The following ALPL variants were observed in gnomAD, a reference collection of about 807,000 sequenced individuals.
ALPL encodes the protein alkaline phosphatase, biomineralization associated.
Under a neutral mutation model 51.3 loss-of-function variants are expected in ALPL, and 42 were observed. That is an observed-to-expected ratio of 0.82 (90% CI 0.64 to 1.06). The LOEUF is 1.06. Ranked by LOEUF, ALPL falls within the 50% of genes least tolerant of loss-of-function variation. ALPL has a pLI of 0.00. For synonymous variants in ALPL, 279 were observed against 296.4 expected (o/e 0.94, Z 0.60); for missense variants, 589 against 709.4 (o/e 0.83, Z 1.93).
rs550405598 is a variant in ALPL at position 21,549,036 on chromosome 1, C to T, written c.-104-4942C>T. ...ACTAATTCATTTCCCTAGTTGTGGA[C>T]GAGACTGCCCCGGCTCCTCACCATC... On this transcript the variant is annotated intron_variant, in intron 1 of 11. Coordinates refer to ENST00000374840, the MANE Select transcript of ALPL (RefSeq NM_000478.6). Among the ~76,000 whole-genome samples, 5 of 152,288 alleles carry T rather than the reference C, an allele frequency of 3.3e-5. No homozygotes were observed. The South Asian group carries it at 1.0e-3, about 32-fold the overall frequency.
At chr1:21,534,045 C>T (rs542391539) in intron 1 of ALPL, among the ~76,000 whole-genome samples, 11 of 145,352 alleles carry the variant, frequency 7.6e-5, no homozygotes, top group South Asian at 2.1e-4. Flanking sequence ...AGTGCAGTGG[C>T]GCAATCTCGG....
intron 1 of ALPL, among the ~76,000 whole-genome samples, chr1:21,512,321 C>T (rs1643705648): frequency 6.6e-6 from 1 of 152,178 alleles, no homozygotes; most frequent in Non-Finnish European, 1.5e-5. Context: ...AGTCACCTTC[C>T]CTTTCGAAGC....
rs116162120 is a variant in ALPL at position 21,577,852 on chromosome 1, T to C, written c.*204T>C. ...CCAAACCCACTTCTGGCCTCCAGCC[T>C]TTGCTCCCTCCCCGCTGCCCTTTGG... On this transcript the variant is annotated 3_prime_UTR_variant, in exon 12 of 12. Transcript: ENST00000374840. The C allele has an allele frequency of 2.5e-3, 1,685 of 683,738 alleles. 17 individuals are homozygous for C. In the African/African-American group the frequency reaches 0.026, roughly 10 times the overall value. The allele number at this position is 683,738 out of a possible 1,614,324, so 42.4% of individuals were successfully genotyped here.
intron 1 of ALPL, among the ~76,000 whole-genome samples, chr1:21,535,082 C>T (rs1477068305): frequency 1.3e-5 from 2 of 152,212 alleles, no homozygotes; most frequent in East Asian, 3.9e-4. Context: ...CATATTGTGG[C>T]TGCTCAATAA....
chr1:21,573,558 G>C (rs1263625063), intron 8 of ALPL, 107 bp from the exon 9 acceptor site: 1 of 1,426,198 alleles, frequency 7.0e-7, no homozygotes, highest in Non-Finnish European at 9.7e-7. Flanking sequence ...TCTACCCCAA[G>C]CTGGCTGTGG....
chr1:21,510,408 G>A (rs1041473105), intron 1 of ALPL, among the ~76,000 whole-genome samples: 5 of 152,214 alleles, frequency 3.3e-5, no homozygotes, highest in African/African-American at 9.6e-5. Context: ...TCTTGGGCCA[G>A]GAAGGGCTTT....
chr1:21,509,298 C>CCGGGGG (rs986248866), upstream of ALPL: 2 of 134,324 alleles, frequency 1.5e-5, no homozygotes, highest in Admixed American at 7.4e-5. This position sits in a 1 kb window ranked among gnomAD's most constrained non-coding sequence, Gnocchi z 6.0. Context: ...GGGGCTCGGG[C>CCGGGGG]CGGGGGCGGG....
intron 1 of ALPL, among the ~76,000 whole-genome samples, chr1:21,513,122 C>T (rs753428068): frequency 1.3e-5 from 2 of 151,788 alleles, no homozygotes; most frequent in Non-Finnish European, 2.9e-5. Flanking sequence ...GAGTACTGGC[C>T]AGAGAGGAGA....
At chr1:21,565,261 T>G (rs1172530445) in intron 6 of ALPL, among the ~76,000 whole-genome samples, 1 of 152,194 alleles carries the variant, frequency 6.6e-6, no homozygotes, top group East Asian at 1.9e-4. Flanking sequence ...GTACCCGCTT[T>G]CAGGACACAC....
At chr1:21,536,255 A>G (rs907939620) in intron 1 of ALPL, among the ~76,000 whole-genome samples, 2 of 152,254 alleles carry the variant, frequency 1.3e-5, no homozygotes, top group African/African-American at 4.8e-5. Context: ...TTGGACTCTT[A>G]CATTACCACA....
chr1:21,543,474 C>T (rs1337128724), intron 1 of ALPL, among the ~76,000 whole-genome samples: 1 of 152,144 alleles, frequency 6.6e-6, no homozygotes, highest in Non-Finnish European at 1.5e-5. Flanking sequence ...GTAATCCCAG[C>T]TACTCGGGAG....
chr1:21,529,010 A>C (rs558178163), intron 1 of ALPL, among the ~76,000 whole-genome samples: 2 of 151,232 alleles, frequency 1.3e-5, no homozygotes, highest in African/African-American at 2.4e-5. Flanking sequence ...TGGAGGTTGC[A>C]GTGAGCCAAG....
rs561361279 is a variant in ALPL, at chr1:21,552,030, C to T, written c.-104-1948C>T. On this transcript the variant is annotated intron_variant, in intron 1 of 11. Transcript: ENST00000374840. ...GTGAGCCACCGCGCCCGGCCATTTG[C>T]GTGTTTTTAAGGTTGAATCAAGATC... Among the ~76,000 whole-genome samples the T allele has an allele frequency of 5.0e-3, 743 of 148,374 alleles. 8 individuals carry two copies. The highest frequency in any genetic ancestry group is 0.018 in the African/African-American group (713 of 40,522).
chr1:21,554,274 A>G, intron 2 of ALPL, 132 bp downstream of exon 2: 1 of 890,010 alleles, frequency 1.1e-6, no homozygotes, highest in Admixed American at 1.9e-5. Context: ...CAGAGCAGGA[A>G]ACCTCAGCCC....
chr1:21,561,264 C>T (rs575405379), intron 4 of ALPL, 52 bp downstream of exon 4: 58 of 1,482,852 alleles, frequency 3.9e-5, no homozygotes, highest in Middle Eastern at 3.4e-4. Flanking sequence ...GTATCCAGGT[C>T]GAGCATCTGA....
intron 1 of ALPL, among the ~76,000 whole-genome samples, chr1:21,530,777 AT>A (rs71016918): frequency 0.31 from 35,008 of 111,414 alleles, 4,404 homozygotes; most frequent in South Asian, 0.49. Flanking sequence ...CAAGCTTTGA[AT>A]TTTTTTTTTT....
chr1:21,516,435 C>G (rs1277539618), intron 1 of ALPL, among the ~76,000 whole-genome samples: 1 of 152,170 alleles, frequency 6.6e-6, no homozygotes, highest in Non-Finnish European at 1.5e-5. Flanking sequence ...ACTATAAGCC[C>G]AACATGCACG....
intron 1 of ALPL, among the ~76,000 whole-genome samples, chr1:21,551,927 G>A (rs1213165409): frequency 1.1e-4 from 17 of 150,764 alleles, no homozygotes; most frequent in Admixed American, 4.0e-4. Flanking sequence ...GGGTTTCACT[G>A]TGTTAGCCAG....
At chr1:21,533,597 A>G (rs1416994357) in intron 1 of ALPL, among the ~76,000 whole-genome samples, 1 of 152,150 alleles carries the variant, frequency 6.6e-6, no homozygotes, top group Non-Finnish European at 1.5e-5. Context: ...CACAAGACCA[A>G]GGTCTTTCCA....
Sources: gnomAD v4.1 joint callset for allele counts (sites outside exome capture counted in the v4.1 genomes callset) on GRCh38, gnomAD v4.1.1 for gene constraint, Gnocchi (gnomAD v3.1) non-coding constraint, MANE v1.5 for transcripts, NCBI Gene and HGNC (gene_info 2026-07-23, HGNC 2026-07-21) for gene names.